Variants in ENTPD5 observed in about 807,000 individuals in gnomAD.
ENTPD5 encodes the protein ectonucleoside triphosphate diphosphohydrolase 5 (inactive).
Under a neutral mutation model 60.2 loss-of-function variants are expected in ENTPD5, and 49 were observed. The observed-to-expected ratio is 0.81, with a 90% CI of 0.65 to 1.03. ENTPD5 has a LOEUF of 1.03. Ranked by LOEUF, ENTPD5 falls within the 50% of genes least tolerant of loss-of-function variation. The pLI, the probability that ENTPD5 is intolerant of heterozygous loss-of-function variation, is 0.00. For missense variants in ENTPD5, 480 were observed against 507.6 expected, an observed-to-expected ratio of 0.95 and a Z score of 0.52; for synonymous variants, 187 against 185.4, an observed-to-expected ratio of 1.01 and a Z score of -0.07.
chr14:73,973,738 T>C (rs11623041), intron 12 of ENTPD5, 139 bp downstream of exon 12: 19,847 of 691,750 alleles, frequency 0.029, 371 homozygotes, highest in Non-Finnish European at 0.039. Flanking sequence ...CATTAGTCCT[T>C]GGAGGCATGC....
downstream of ENTPD5, chr14:73,963,080 TATTTA>T (rs775872831): frequency 6.1e-6 from 7 of 1,154,810 alleles, no homozygotes; most frequent in South Asian, 3.7e-5. Context: ...TTCAAGATCT[TATTTA>T]ATTTAATAAA....
At chr14:74,016,118 GCAACTTCCTA>G (rs1025216376) in intron 1 of ENTPD5, among the ~76,000 whole-genome samples, 188 bp from the exon 2 acceptor site, 3 of 152,292 alleles carry the variant, frequency 2.0e-5, no homozygotes, top group Admixed American at 6.5e-5. Context: ...CTACTAAATA[GCAACTTCCTA>G]CTCTACTATC....
At chr14:73,985,936 G>A (rs1410722278) in intron 5 of ENTPD5, among the ~76,000 whole-genome samples, 1 of 151,808 alleles carries the variant, frequency 6.6e-6, no homozygotes, top group African/African-American at 2.4e-5. Flanking sequence ...GCCGGGCATG[G>A]TGGCACATGC....
intron 5 of ENTPD5, among the ~76,000 whole-genome samples, chr14:73,983,502 T>C (rs2140586114): frequency 6.6e-6 from 1 of 151,428 alleles, no homozygotes. Flanking sequence ...CACACACCTG[T>C]AGTCTCAGCT....
chr14:73,960,845 G>A (rs1454427147), downstream of ENTPD5: 1 of 424,124 alleles, frequency 2.4e-6, no homozygotes, highest in Non-Finnish European at 4.4e-6. Flanking sequence ...GGCATTCTAA[G>A]CAGAGGAGAG....
chr14:73,975,916 T>C lies in ENTPD5; in HGVS notation c.722+20A>G, dbSNP rs777719666. On this transcript the variant is annotated intron_variant, in intron 10 of 15. Coordinates refer to ENST00000334696, the MANE Select transcript of ENTPD5 (RefSeq NM_001249.5). ...AATCATACAACATGAAATATTCTTC[T>C]TCCCTGTCCCCGTCCTCACCTATGT... 6.5e-7 allele frequency: 1 copy of C among 1,549,556 alleles called. No individual in the cohort carries two copies. The highest frequency in any genetic ancestry group is 8.8e-7 in the Non-Finnish European group (1 of 1,132,384).
intron 3 of ENTPD5, among the ~76,000 whole-genome samples, chr14:74,002,345 T>C (rs1174958034): frequency 1.3e-5 from 2 of 152,018 alleles, no homozygotes; most frequent in African/African-American, 2.4e-5. Flanking sequence ...GAGCAGAGAA[T>C]GGTCTGAGAT....
At chr14:74,004,282 C>T (rs2058602412) in intron 3 of ENTPD5, among the ~76,000 whole-genome samples, 1 of 152,034 alleles carries the variant, frequency 6.6e-6, no homozygotes, top group African/African-American at 2.4e-5. Context: ...ATTCTCCTGT[C>T]ACAGCCTCCG....
At chr14:73,991,692 T>C (rs1403923641) in intron 3 of ENTPD5, among the ~76,000 whole-genome samples, 1 of 148,674 alleles carries the variant, frequency 6.7e-6, no homozygotes, top group African/African-American at 2.5e-5. Flanking sequence ...CCCCAGCCTC[T>C]ATCCACTAGA....
In ENTPD5 at chr14:73,966,426, C is replaced by A. The variant is rs7161037; in HGVS notation, c.*502G>T. ...AGGATCATACAGATTCTGACATGGTCCCATTTTGCGTTGTTGAATTATACA... is the reference window on the plus strand; with the variant it reads ...AGGATCATACAGATTCTGACATGGTACCATTTTGCGTTGTTGAATTATACA... On this transcript the variant is annotated 3_prime_UTR_variant, in exon 16 of 16. Coordinates refer to ENST00000334696, the MANE Select transcript of ENTPD5 (RefSeq NM_001249.5). 0.16 allele frequency: 23,633 copies of A among 152,400 alleles called. 2,340 individuals are homozygous for A. The highest frequency in any genetic ancestry group is 0.35 in the East Asian group (1,825 of 5,186). The allele number at this position is 152,400 out of a possible 1,614,324, so 9.4% of individuals were successfully genotyped here. A position where few individuals can be genotyped will look rare whatever the true frequency, so the allele number is the denominator to read the frequency against.
intron 6 of ENTPD5, among the ~76,000 whole-genome samples, chr14:73,978,587 G>C (rs1194512662): frequency 1.3e-5 from 2 of 149,672 alleles, no homozygotes; most frequent in African/African-American, 4.9e-5. Flanking sequence ...GGTAACAAGA[G>C]TGAGACTCTG....
Sources: allele counts gnomAD v4.1 joint callset (sites outside exome capture counted in the v4.1 genomes callset), GRCh38; gene constraint gnomAD v4.1.1; transcripts MANE v1.5; gene names NCBI Gene and HGNC (gene_info 2026-07-23, HGNC 2026-07-21).